Variants in SSX5 observed in about 807,000 individuals in gnomAD.
The protein encoded by SSX5 is protein SSX5.
SSX5 carries 14 observed loss-of-function variants against 14.9 expected under a neutral mutation model. The ratio of observed to expected loss-of-function variants is 0.94; its 90% CI spans 0.62 to 1.47. The LOEUF (loss-of-function observed/expected upper bound fraction) is 1.47, where lower values mean the gene tolerates loss of function less well. SSX5 is among the 40% of genes most tolerant of loss of function. SSX5 has a pLI of 0.00. For synonymous variants in SSX5, 70 were observed against 55.4 expected, an observed-to-expected ratio of 1.26 and a Z score of -1.17; for missense variants, 204 against 154.6, an observed-to-expected ratio of 1.32 and a Z score of -1.70.
At position 48,194,201 on chromosome X, in the gene SSX5, A is replaced by G. The variant is rs782295844; in HGVS notation, c.208T>C (p.Phe70Leu). The G allele has an allele frequency of 6.6e-6, 8 of 1,208,093 alleles. No homozygotes were observed. Among genetic ancestry groups the G allele is most frequent in the Non-Finnish European group, 8.9e-6 (8 of 894,647 alleles). Residue 70 changes from phenylalanine to leucine, a missense_variant, in exon 4 of 8, where the codon TTC becomes CTC. Phe to Leu is a conservative substitution (Grantham distance 22, BLOSUM62 0). Coordinates refer to ENST00000347757, the MANE Select transcript of SSX5 (RefSeq NM_175723.2). ...KLGFKATLPP[F>L]MRNKRVADFQ... ...TCTGCGACCCGTTTATTACGCATGA[A>G]AGGTGGGAGGGTGGCCTTGAAACCT...
At chrX:48,191,056 T>C (rs1556924650) in intron 5 of SSX5, among the ~76,000 whole-genome samples, 1 of 110,035 alleles carries the variant, frequency 9.1e-6, no homozygotes, top group Non-Finnish European at 1.9e-5. Flanking sequence ...AGGCAGGCAC[T>C]ACCACGCCCC....
chrX:48,192,651 G>A (rs1478173348), intron 4 of SSX5, among the ~76,000 whole-genome samples: 1 of 112,416 alleles, frequency 8.9e-6, no homozygotes, highest in Non-Finnish European at 1.9e-5. Context: ...TGAATCTTAT[G>A]GTATGTGAAT....
intron 4 of SSX5, among the ~76,000 whole-genome samples, chrX:48,192,689 G>C (rs1258641140): frequency 8.9e-6 from 1 of 112,315 alleles, no homozygotes; most frequent in Non-Finnish European, 1.9e-5. Context: ...GATGAACCAT[G>C]GATGATTTAG....
chrX:48,187,852 A>G, intron 6 of SSX5, 121 bp from the exon 7 acceptor site: 5 of 921,454 alleles, frequency 5.4e-6, no homozygotes, highest in Non-Finnish European at 6.1e-6. Flanking sequence ...CCAAGTGCCC[A>G]TGGGTCTTCT....
At chrX:48,195,077 G>A (rs373265328) in intron 2 of SSX5, 2 of 1,211,466 alleles carry the variant, frequency 1.7e-6, no homozygotes, top group Non-Finnish European at 2.2e-6. Context: ...CTTCCAGAAC[G>A]GACTGAGATT....
chrX:48,190,493 C>T (rs2059415797), intron 5 of SSX5, among the ~76,000 whole-genome samples: 1 of 112,046 alleles, frequency 8.9e-6, no homozygotes. Flanking sequence ...TATCTTCACA[C>T]TGTTTTAAGA....
intron 4 of SSX5, chrX:48,192,522 TC>T (rs1472135698): frequency 2.3e-6 from 1 of 441,260 alleles, no homozygotes; most frequent in Non-Finnish European, 4.0e-6. Context: ...CACAGTCTCA[TC>T]TTTTTCCATT....
intron 1 of SSX5, among the ~76,000 whole-genome samples, 190 bp downstream of exon 1, chrX:48,196,541 G>T (rs1471740009): frequency 9.1e-6 from 1 of 109,744 alleles, no homozygotes; most frequent in African/African-American, 3.3e-5. Context: ...ACCGCGCCCC[G>T]CCCAAATTTC....
intron 2 of SSX5, 95 bp from the exon 3 acceptor site, chrX:48,194,949 G>A: frequency 8.3e-7 from 1 of 1,210,080 alleles, no homozygotes; most frequent in Admixed American, 2.2e-5. Context: ...TGGGAAGTAG[G>A]GATGATAATC....
rs782470132 is a variant in SSX5 at position 48,195,167 on chromosome X, G to C, written c.69+123C>G. The C allele has an allele frequency of 4.1e-6, 5 of 1,210,887 alleles. No homozygotes were observed. In the Admixed American group the frequency reaches 1.1e-4, roughly 26 times the overall value. On this transcript the variant is annotated intron_variant, in intron 2 of 7. Transcript: ENST00000347757. The stretch of plus-strand genomic sequence containing the variant: ...AGAGCGAGAGTGAGAGGCTCCCAAG[G>C]TTCCAGATGTCCCCGGAGACCCTGG...
intron 1 of SSX5, among the ~76,000 whole-genome samples, chrX:48,196,137 A>C (rs1310325673): frequency 1.8e-5 from 2 of 110,739 alleles, no homozygotes; most frequent in African/African-American, 6.6e-5. Context: ...AAATACAAAA[A>C]GTTAGCTGGG....
chrX:48,187,441 A>G (rs1482359706), intron 7 of SSX5, among the ~76,000 whole-genome samples, 186 bp downstream of exon 7: 1 of 110,459 alleles, frequency 9.1e-6, no homozygotes, highest in East Asian at 2.9e-4. Context: ...GCCTGGGGGA[A>G]CAAAAGGAGA....
chrX:48,187,550 G>A (rs2059403165), intron 7 of SSX5, 77 bp downstream of exon 7: 2 of 1,083,999 alleles, frequency 1.8e-6, no homozygotes, highest in Non-Finnish European at 2.5e-6. Flanking sequence ...GGGAACAACT[G>A]ATAAGATGGG....
At chrX:48,195,146 C>T (rs781943884) in intron 2 of SSX5, 144 bp downstream of exon 2, 23 of 1,209,434 alleles carry the variant, frequency 1.9e-5, no homozygotes, top group African/African-American at 8.8e-5. Context: ...GATGACAGAG[C>T]GAGAGTGAGA....
chrX:48,190,259 C>G lies in SSX5; in HGVS notation c.340G>C (p.Glu114Gln). ...TCATTTCCTTCCTCTGCTGGCTTCTCGGGCGTGATCTTTATAATGTGAAGG... is the reference window on the plus strand; with the variant it reads ...TCATTTCCTTCCTCTGCTGGCTTCTGGGGCGTGATCTTTATAATGTGAAGG... ...LQGIFPKITP[E>Q]KPAEEGNDSK... Residue 114 changes from glutamate (E) to glutamine (Q), a missense_variant, in exon 6 of 8, where the codon GAG becomes CAG. Glu to Gln is a conservative substitution (Grantham distance 29, BLOSUM62 2). Transcript: ENST00000347757. 1.7e-6 allele frequency: 2 copies of G among 1,199,473 alleles called. No homozygotes were observed. The highest frequency in any genetic ancestry group is 3.0e-5 in the East Asian group (1 of 33,542).
At position 48,194,190 on chromosome X, in the gene SSX5, A is replaced by G. The variant is rs1556925363; in HGVS notation, c.219T>C (p.Asn73=). Residue 73 remains asparagine, a synonymous_variant, in exon 4 of 8, where the codon AAT becomes AAC. Coordinates refer to ENST00000347757, the MANE Select transcript of SSX5 (RefSeq NM_175723.2). ...TCCCCTGGAAGTCTGCGACCCGTTTATTACGCATGAAAGGTGGGAGGGTGG... is the reference window on the plus strand; with the variant it reads ...TCCCCTGGAAGTCTGCGACCCGTTTGTTACGCATGAAAGGTGGGAGGGTGG... ...FKATLPPFMR[N]KRVADFQGND... 3.3e-6 allele frequency: 4 copies of G among 1,208,028 alleles called. No individual in the cohort carries two copies. The African/African-American group carries it at 7.1e-5, about 21-fold the overall frequency.
intron 7 of SSX5, 30 bp from the exon 8 acceptor site, chrX:48,186,886 T>C: frequency 8.4e-7 from 1 of 1,196,929 alleles, no homozygotes; most frequent in Non-Finnish European, 1.1e-6. Context: ...GGAAAGTAAG[T>C]GGCAGTGAGT....
chrX:48,193,420 T>G (rs1373897727), intron 4 of SSX5, among the ~76,000 whole-genome samples: 2 of 111,210 alleles, frequency 1.8e-5, no homozygotes, highest in East Asian at 5.6e-4. Context: ...CCACAGCTAT[T>G]TTAGATCTGA....
intron 7 of SSX5, 70 bp from the exon 8 acceptor site, chrX:48,186,926 C>T: frequency 8.6e-7 from 1 of 1,156,140 alleles, no homozygotes; most frequent in Non-Finnish European, 1.2e-6. Context: ...AATCTCAACT[C>T]CTCCTGACCT....
Sources: allele counts gnomAD v4.1 joint callset (sites outside exome capture counted in the v4.1 genomes callset), GRCh38; gene constraint gnomAD v4.1.1; transcripts MANE v1.5; gene names NCBI Gene and HGNC (gene_info 2026-07-23, HGNC 2026-07-21).